EFCAB6: variants seen among roughly 807,000 people sequenced by gnomAD.
EFCAB6 encodes EF-hand calcium binding domain 6, also known as EF-hand calcium-binding domain-containing protein 6.
Under a neutral mutation model 169.8 loss-of-function variants are expected in EFCAB6, and 156 were observed. The ratio of observed to expected loss-of-function variants is 0.92; its 90% CI spans 0.81 to 1.05. The LOEUF (loss-of-function observed/expected upper bound fraction) is 1.05, where lower values mean the gene tolerates loss of function less well. EFCAB6 is among the 50% of genes least tolerant of loss of function. The probability of loss-of-function intolerance (pLI) is 0.00; values close to 1 mark genes in which losing one functional copy is unlikely to be tolerated. For missense variants in EFCAB6, 1,800 were observed against 1,829.1 expected (o/e 0.98, Z 0.29); for synonymous variants, 698 against 676.4 (o/e 1.03, Z -0.50).
chr22:43,716,657 C>A (rs977966425), intron 9 of EFCAB6, 191 bp downstream of exon 9: 19 of 525,590 alleles, frequency 3.6e-5, no homozygotes, highest in African/African-American at 5.9e-5. Flanking sequence ...ATTAATTTCA[C>A]ATCACCATCA....
intron 17 of EFCAB6, among the ~76,000 whole-genome samples, chr22:43,637,368 T>C (rs932206975): frequency 5.9e-5 from 9 of 152,228 alleles, no homozygotes; most frequent in African/African-American, 2.2e-4. Context: ...GTCATCCTTT[T>C]TGGTATTCGG....
intron 17 of EFCAB6, among the ~76,000 whole-genome samples, chr22:43,645,937 A>ATT (rs1332712396): frequency 6.6e-5 from 10 of 152,242 alleles, no homozygotes; most frequent in Non-Finnish European, 1.3e-4. Flanking sequence ...TCCAGGCATA[A>ATT]CTAATGCATT....
chr22:43,705,848 C>T (rs549027015), intron 10 of EFCAB6, among the ~76,000 whole-genome samples: 2 of 151,950 alleles, frequency 1.3e-5, no homozygotes, highest in East Asian at 1.9e-4. Context: ...AAAGAGCAAA[C>T]TAATCCAGTG....
At chr22:43,579,181 T>A (rs2050493644) in intron 25 of EFCAB6, among the ~76,000 whole-genome samples, 1 of 150,628 alleles carries the variant, frequency 6.6e-6, no homozygotes, top group Admixed American at 6.6e-5. Context: ...CATCATTCCA[T>A]ACACATAGGC....
At chr22:43,587,264 G>C (rs1215444549) in intron 24 of EFCAB6, among the ~76,000 whole-genome samples, 3 of 152,158 alleles carry the variant, frequency 2.0e-5, no homozygotes, top group Non-Finnish European at 4.4e-5. Flanking sequence ...GAGGGCATCT[G>C]TCCTAGTCCA....
chr22:43,764,529 T>G (rs1432091652), intron 5 of EFCAB6, among the ~76,000 whole-genome samples: 1 of 152,220 alleles, frequency 6.6e-6, no homozygotes, highest in African/African-American at 2.4e-5. Context: ...TTTGGTAGAA[T>G]GATTTGTCTT....
chr22:43,600,380 A>C, intron 22 of EFCAB6, 117 bp from the exon 23 acceptor site: 1 of 1,061,664 alleles, frequency 9.4e-7, no homozygotes, highest in South Asian at 1.5e-5. Flanking sequence ...ATCCCTCACC[A>C]CTCGGAGCAT....
intron 21 of EFCAB6, among the ~76,000 whole-genome samples, chr22:43,610,285 C>A (rs1310610794): frequency 6.6e-6 from 1 of 152,160 alleles, no homozygotes; most frequent in Admixed American, 6.5e-5. Context: ...CAGCAGGATC[C>A]ACAGAGCAGT....
At chr22:43,706,002 G>T (rs1407693096) in intron 10 of EFCAB6, among the ~76,000 whole-genome samples, 1 of 152,056 alleles carries the variant, frequency 6.6e-6, no homozygotes, top group Non-Finnish European at 1.5e-5. Context: ...TAAGATAAAA[G>T]GAAATGAAAG....
chr22:43,644,293 G>A (rs925184787), intron 17 of EFCAB6, among the ~76,000 whole-genome samples: 5 of 152,094 alleles, frequency 3.3e-5, no homozygotes, highest in African/African-American at 1.2e-4. Context: ...TTAGTGGTCA[G>A]GGGAGCACAC....
intron 8 of EFCAB6, among the ~76,000 whole-genome samples, chr22:43,719,391 C>T (rs920719104): frequency 1.3e-5 from 2 of 152,220 alleles, no homozygotes; most frequent in Non-Finnish European, 2.9e-5. Context: ...ATCTGCTCCC[C>T]AGCATCTTTC....
At chr22:43,618,222 GAGAA>G (rs1300733533) in intron 20 of EFCAB6, among the ~76,000 whole-genome samples, 48 of 98,394 alleles carry the variant, frequency 4.9e-4, no homozygotes, top group South Asian at 1.9e-3. Context: ...AAGAAAGAAA[GAGAA>G]AGAAAGAAAG....
At chr22:43,566,608 G>A (rs1302706374) in intron 26 of EFCAB6, among the ~76,000 whole-genome samples, 1 of 152,198 alleles carries the variant, frequency 6.6e-6, no homozygotes, top group Non-Finnish European at 1.5e-5. Flanking sequence ...AGGTGCTGGA[G>A]ATGGAGATTG....
intron 27 of EFCAB6, among the ~76,000 whole-genome samples, chr22:43,542,264 G>T (rs1440211651): frequency 6.6e-6 from 1 of 152,214 alleles, no homozygotes; most frequent in East Asian, 1.9e-4. Flanking sequence ...GGTGGCTGGG[G>T]CTGGCCAACT....
At chr22:43,779,097 A>G (rs1184595998) in intron 3 of EFCAB6, among the ~76,000 whole-genome samples, 1 of 152,246 alleles carries the variant, frequency 6.6e-6, no homozygotes, top group Non-Finnish European at 1.5e-5. Context: ...AGAGAAATGG[A>G]AAGTATTTTT....
At chr22:43,671,348 G>A (rs1289604391) in intron 15 of EFCAB6, among the ~76,000 whole-genome samples, 1 of 151,990 alleles carries the variant, frequency 6.6e-6, no homozygotes, top group Non-Finnish European at 1.5e-5. Flanking sequence ...ATTACAAGCA[G>A]GTGCCACCAT....
At chr22:43,676,808 C>T (rs1316545841) in intron 13 of EFCAB6, among the ~76,000 whole-genome samples, 2 of 152,150 alleles carry the variant, frequency 1.3e-5, no homozygotes, top group Admixed American at 6.5e-5. Context: ...TCAAAAACCA[C>T]GACAGATGGA....
intron 4 of EFCAB6, among the ~76,000 whole-genome samples, chr22:43,771,159 G>A (rs955574027): frequency 1.3e-5 from 2 of 152,142 alleles, no homozygotes; most frequent in East Asian, 1.9e-4. Flanking sequence ...GGCCAGGCAC[G>A]GTGGCTCACC....
chr22:43,716,816 G>T (rs776313978), intron 9 of EFCAB6, 32 bp downstream of exon 9: 1 of 1,588,238 alleles, frequency 6.3e-7, no homozygotes, highest in Non-Finnish European at 8.5e-7. Context: ...TGTTTACTCT[G>T]TAGGTAATTG....
Sources: gnomAD v4.1 joint callset for allele counts (sites outside exome capture counted in the v4.1 genomes callset) on GRCh38, gnomAD v4.1.1 for gene constraint, MANE v1.5 for transcripts, NCBI Gene and HGNC (gene_info 2026-07-23, HGNC 2026-07-21) for gene names.